HIP1: variants seen among roughly 807,000 people sequenced by gnomAD.
The protein encoded by HIP1 is huntingtin interacting protein 1.
A neutral mutation model predicts 147.6 loss-of-function variants in HIP1; 65 were observed. The observed-to-expected ratio is 0.44, with a 90% CI of 0.36 to 0.54. The LOEUF (loss-of-function observed/expected upper bound fraction) is 0.54, where lower values mean the gene tolerates loss of function less well. Among genes scored for constraint, HIP1 ranks in the 20% least tolerant of loss-of-function variants. The pLI, the probability that HIP1 is intolerant of heterozygous loss-of-function variation, is 0.00. For synonymous variants in HIP1, 479 were observed against 504.0 expected, an observed-to-expected ratio of 0.95 and a Z score of 0.67; for missense variants, 1,061 against 1,299.6, an observed-to-expected ratio of 0.82 and a Z score of 2.82.
At chr7:75,647,955 AG>A (rs1554511339) in intron 1 of HIP1, among the ~76,000 whole-genome samples, 1 of 152,248 alleles carries the variant, frequency 6.6e-6, no homozygotes, top group Non-Finnish European at 1.5e-5. Flanking sequence ...ATACACAGGG[AG>A]GGTGAGGGAG....
chr7:75,628,263 C>T (rs1382696426), intron 1 of HIP1, among the ~76,000 whole-genome samples: 1 of 152,152 alleles, frequency 6.6e-6, no homozygotes, highest in Non-Finnish European at 1.5e-5. Flanking sequence ...GGAACAGCAC[C>T]TGGCATATGG....
Position 75,538,060 on chromosome 7 carries a change from C to A in HIP1, c.*112G>T. On this transcript the variant is annotated 3_prime_UTR_variant, in exon 31 of 31. Coordinates refer to ENST00000336926, the MANE Select transcript of HIP1 (RefSeq NM_005338.7). ...GCATGTCCTCGGCACTGGGTAATGG[C>A]AGTGGTGTGGCTGCCCCTGGGACTC... is the stretch of plus-strand genomic sequence containing the variant. 1.2e-6 allele frequency: 1 copy of A among 830,236 alleles called. No individual in the cohort carries two copies. Among genetic ancestry groups the A allele is most frequent in the Non-Finnish European group, 2.1e-6 (1 of 468,690 alleles). The allele number at this position is 830,236 out of a possible 1,614,324, so 51.4% of individuals were successfully genotyped here. A position where few individuals can be genotyped will look rare whatever the true frequency, so the allele number is the denominator to read the frequency against.
At chr7:75,542,720 AT>A (rs1355434548) in intron 28 of HIP1, 130 bp downstream of exon 28, 3 of 941,602 alleles carry the variant, frequency 3.2e-6, no homozygotes, top group African/African-American at 1.7e-5. Context: ...TAAAGAAAAA[AT>A]AAAATAAAAA....
At chr7:75,600,532 GT>G (rs1233196700) in intron 1 of HIP1, among the ~76,000 whole-genome samples, 2 of 152,060 alleles carry the variant, frequency 1.3e-5, no homozygotes, top group Non-Finnish European at 2.9e-5. Flanking sequence ...TCCTTTTTCT[GT>G]TTTGATGTCA....
intron 1 of HIP1, among the ~76,000 whole-genome samples, chr7:75,672,869 C>T (rs2696208): frequency 0.56 from 85,304 of 151,244 alleles, 24,489 homozygotes; most frequent in African/African-American, 0.66. Flanking sequence ...AGAGTCTTGT[C>T]ATCCTTGTTG....
At chr7:75,723,081 A>G (rs539544769) in intron 1 of HIP1, among the ~76,000 whole-genome samples, 1 of 152,278 alleles carries the variant, frequency 6.6e-6, no homozygotes, top group East Asian at 1.9e-4. Context: ...CACTGTTGTA[A>G]CAAATTACTG....
chr7:75,541,794 C>T, intron 29 of HIP1, 125 bp downstream of exon 29: 1 of 632,768 alleles, frequency 1.6e-6, no homozygotes, highest in Non-Finnish European at 2.8e-6. Flanking sequence ...GCAAGATTTA[C>T]ATTCAGTCTT....
intron 1 of HIP1, among the ~76,000 whole-genome samples, chr7:75,664,468 GTA>G (rs1177919255): frequency 1.8e-5 from 2 of 109,814 alleles, no homozygotes; most frequent in African/African-American, 8.5e-5. Context: ...ATGTGTGTGT[GTA>G]TACGTATACA....
At chr7:75,545,652 A>G (rs1794531446) in intron 25 of HIP1, among the ~76,000 whole-genome samples, 1 of 151,414 alleles carries the variant, frequency 6.6e-6, no homozygotes, top group Non-Finnish European at 1.5e-5. Flanking sequence ...AAACAAAACA[A>G]AACAAAACCC....
chr7:75,551,197 T>TTTTTTTTTTTTTTTTTC (rs1794769470), intron 22 of HIP1, among the ~76,000 whole-genome samples: 1 of 126,904 alleles, frequency 7.9e-6, no homozygotes, highest in Non-Finnish European at 1.7e-5. Flanking sequence ...TAATTTTTTT[T>TTTTTTTTTTTTTTTTTC]TTTTTTTTTT....
chr7:75,722,128 AC>A (rs144877642), intron 1 of HIP1, among the ~76,000 whole-genome samples: 2 of 151,368 alleles, frequency 1.3e-5, no homozygotes, highest in Admixed American at 6.6e-5. Flanking sequence ...ACATAGTGAG[AC>A]CCCCCCACGT....
chr7:75,605,015 A>T (rs1245062981), intron 1 of HIP1, among the ~76,000 whole-genome samples: 1 of 152,086 alleles, frequency 6.6e-6, no homozygotes, highest in Non-Finnish European at 1.5e-5. Flanking sequence ...GGAGAGAGAA[A>T]CCTTTTAAAC....
chr7:75,592,232 C>A, intron 3 of HIP1, 120 bp from the exon 4 acceptor site: 1 of 1,369,030 alleles, frequency 7.3e-7, no homozygotes, highest in Non-Finnish European at 1.0e-6. Flanking sequence ...GGGAGGGAGA[C>A]TCACCCAACT....
At chr7:75,559,449 CCT>C (rs1795138666) in intron 14 of HIP1, among the ~76,000 whole-genome samples, 1 of 152,122 alleles carries the variant, frequency 6.6e-6, no homozygotes, top group African/African-American at 2.4e-5. Flanking sequence ...GGACCTCAAT[CCT>C]CTCTCCTTCT....
At chr7:75,686,342 T>C (rs376960223) in intron 1 of HIP1, among the ~76,000 whole-genome samples, 1 of 152,232 alleles carries the variant, frequency 6.6e-6, no homozygotes, top group Non-Finnish European at 1.5e-5. Flanking sequence ...CGTATTTTTT[T>C]TGAAAAGTTT....
At chr7:75,691,605 C>A (rs943608024) in intron 1 of HIP1, among the ~76,000 whole-genome samples, 11 of 151,942 alleles carry the variant, frequency 7.2e-5, no homozygotes, top group African/African-American at 2.4e-4. Context: ...TTGAGACCAG[C>A]CTGGCCAGCA....
In HIP1 at chr7:75,534,548, C is replaced by T. The variant is rs1425856114; in HGVS notation, c.*3624G>A. ...CCCCGGGTTCAAGTGATTCTCCTGC[C>T]TCAGCCTCCCCAGTAGCTGGGATTA... On this transcript the variant is annotated 3_prime_UTR_variant, in exon 31 of 31. Coordinates refer to ENST00000336926, the MANE Select transcript of HIP1 (RefSeq NM_005338.7). 2 of 176,610 alleles carry T rather than the reference C, an allele frequency of 1.1e-5. No homozygotes were observed. Among genetic ancestry groups the T allele is most frequent in the Non-Finnish European group, 2.4e-5 (2 of 82,176 alleles). The allele number at this position is 176,610 out of a possible 1,614,324, so 10.9% of individuals were successfully genotyped here.
chr7:75,592,843 A>T (rs71560476), intron 2 of HIP1, among the ~76,000 whole-genome samples: 5,783 of 152,252 alleles, frequency 0.038, 160 homozygotes, highest in South Asian at 0.09. Flanking sequence ...CCGAGATGTA[A>T]GCGTCTTGAG....
chr7:75,554,083 A>G (rs781833149), intron 21 of HIP1, 30 bp downstream of exon 21: 4 of 1,563,916 alleles, frequency 2.6e-6, no homozygotes, highest in Middle Eastern at 1.7e-4. Context: ...CCCCTGGTCC[A>G]TGAACAGCCC....
Sources: allele counts gnomAD v4.1 joint callset (sites outside exome capture counted in the v4.1 genomes callset), GRCh38; gene constraint gnomAD v4.1.1; transcripts MANE v1.5; gene names NCBI Gene and HGNC (gene_info 2026-07-23, HGNC 2026-07-21).